SAXO3: variants seen among roughly 807,000 people sequenced by gnomAD.
SAXO3 encodes CTB-60B18.10.
At chr19:49,018,746 C>G in the SAXO3 span, 1 of 819,852 alleles carries the variant, frequency 1.2e-6, no homozygotes. Flanking sequence ...AACTTTGGTT[C>G]TTGCTGCTAC....
the SAXO3 span, chr19:49,019,941 G>T: frequency 5.3e-6 from 8 of 1,497,200 alleles, no homozygotes; most frequent in East Asian, 2.0e-4. Flanking sequence ...CCCACAGTCC[G>T]CGTGGGGTCT....
the SAXO3 span, chr19:49,019,890 G>C: frequency 7.1e-7 from 1 of 1,408,706 alleles, no homozygotes; most frequent in Non-Finnish European, 9.6e-7. Context: ...TGCGGACTCC[G>C]GCACTCCCCA....
chr19:49,019,830 A>G, the SAXO3 span: 7 of 1,266,724 alleles, frequency 5.5e-6, no homozygotes, highest in Non-Finnish European at 7.3e-6. Context: ...CGACCCAGAG[A>G]CTCACGTGAA....
the SAXO3 span, chr19:49,020,085 G>A: frequency 2.2e-6 from 3 of 1,380,494 alleles, no homozygotes; most frequent in South Asian, 1.5e-5. Flanking sequence ...TTTGCAACTT[G>A]GGGTAGAGGG....
At chr19:49,019,924 C>T in the SAXO3 span, 2 of 1,493,068 alleles carry the variant, frequency 1.3e-6, no homozygotes, top group South Asian at 2.4e-5. Context: ...CTCCTAAATC[C>T]TTGATCCCCA....
chr19:49,018,957 G>C, the SAXO3 span: 1 of 1,534,278 alleles, frequency 6.5e-7, no homozygotes, highest in Non-Finnish European at 8.7e-7. Flanking sequence ...TACTGTGAAA[G>C]GCCGGCCAGA....
At chr19:49,019,364 C>A in the SAXO3 span, 1 of 1,232,304 alleles carries the variant, frequency 8.1e-7, no homozygotes, top group Non-Finnish European at 1.0e-6. Flanking sequence ...CTCCAAGTTA[C>A]CTCTCCCAAC....
At chr19:49,019,426 C>T in the SAXO3 span, 22 of 1,258,018 alleles carry the variant, frequency 1.7e-5, no homozygotes, top group Non-Finnish European at 2.1e-5. Flanking sequence ...ACCCACAGCC[C>T]GCCGTCTAGC....
chr19:49,019,573 T>A, the SAXO3 span: 1 of 1,220,466 alleles, frequency 8.2e-7, no homozygotes, highest in Non-Finnish European at 1.0e-6. Context: ...CCCAAAGCCG[T>A]GATTCCTTCT....
At chr19:49,019,690 TG>T in the SAXO3 span, 2 of 1,225,376 alleles carry the variant, frequency 1.6e-6, no homozygotes, top group Non-Finnish European at 2.1e-6. Flanking sequence ...TTGTGGGGGC[TG>T]GGGCCCGAAG....
At chr19:49,018,126 G>A in the SAXO3 span, 1 of 399,740 alleles carries the variant, frequency 2.5e-6, no homozygotes, top group East Asian at 3.6e-5. Flanking sequence ...TGCAGCAGGG[G>A]GCTGTAGGAC....
At chr19:49,019,362 T>C in the SAXO3 span, 1 of 1,228,188 alleles carries the variant, frequency 8.1e-7, no homozygotes, top group Non-Finnish European at 1.0e-6. Context: ...AACTCCAAGT[T>C]ACCTCTCCCA....
the SAXO3 span, chr19:49,019,197 A>T: frequency 5.0e-6 from 7 of 1,396,612 alleles, no homozygotes; most frequent in Non-Finnish European, 6.5e-6. Context: ...TCATACCCGA[A>T]CCCTTCCCAG....
the SAXO3 span, chr19:49,018,140 T>G: frequency 7.5e-6 from 3 of 401,454 alleles, no homozygotes; most frequent in African/African-American, 2.0e-5. Flanking sequence ...GTAGGACTCC[T>G]GAGCCAGAGA....
At chr19:49,019,629 C>A in the SAXO3 span, 1 of 1,256,886 alleles carries the variant, frequency 8.0e-7, no homozygotes. Flanking sequence ...TCGCCGGCGC[C>A]GGCTTCCACC....
At chr19:49,019,311 T>A in the SAXO3 span, 1 of 1,200,518 alleles carries the variant, frequency 8.3e-7, no homozygotes, top group South Asian at 3.1e-5. Flanking sequence ...TCTTAAACCG[T>A]CTTGGTGTGG....
chr19:49,018,859 A>G, the SAXO3 span: 10 of 1,529,958 alleles, frequency 6.5e-6, no homozygotes, highest in Middle Eastern at 2.2e-4. Context: ...GTGCCGAGCG[A>G]GAGCCCGGCT....
chr19:49,019,991 T>C, the SAXO3 span: 1 of 1,510,112 alleles, frequency 6.6e-7, no homozygotes, highest in South Asian at 1.2e-5. Context: ...GGGCCCGCCA[T>C]GGGTCTTGGG....
chr19:49,019,281 A>G, the SAXO3 span: 3 of 1,199,962 alleles, frequency 2.5e-6, no homozygotes, highest in Admixed American at 9.6e-5. Flanking sequence ...ACCAAAAACA[A>G]CCTCCCTGGT....
Sources: gnomAD v4.1 joint callset for allele counts on GRCh38, gnomAD v4.1.1 for gene constraint, MANE v1.5 for transcripts, NCBI Gene and HGNC (gene_info 2026-07-23, HGNC 2026-07-21) for gene names.